The following DOCK10 variants were observed in gnomAD, a reference collection of about 807,000 sequenced individuals.
DOCK10 encodes the protein dedicator of cytokinesis protein 10.
A neutral mutation model predicts 280.1 loss-of-function variants in DOCK10; 145 were observed. The observed-to-expected ratio is 0.52, with a 90% CI of 0.45 to 0.59. The LOEUF is 0.59. Ranked by LOEUF, DOCK10 falls within the 20% of genes least tolerant of loss-of-function variation. The pLI is 0.00. For missense variants in DOCK10, 2,368 were observed against 2,651.7 expected, an observed-to-expected ratio of 0.89 and a Z score of 2.35; for synonymous variants, 915 against 942.2, an observed-to-expected ratio of 0.97 and a Z score of 0.53.
intron 3 of DOCK10, among the ~76,000 whole-genome samples, chr2:224,913,141 A>G (rs1169089412): frequency 6.6e-6 from 1 of 152,122 alleles, no homozygotes; most frequent in East Asian, 1.9e-4. Flanking sequence ...TTTTAGCCTC[A>G]CCCTTATTAA....
At position 224,779,336 on chromosome 2, in the gene DOCK10, C is replaced by A. The variant is rs550439677; in HGVS notation, c.5656-1052G>T. On this transcript the variant is annotated intron_variant, in intron 50 of 55. Coordinates refer to ENST00000258390, the MANE Select transcript of DOCK10 (RefSeq NM_014689.3). ...GTTCAAGCGATTCTCCTACTTTGGC[C>A]TCCCAAGTAGCTGGGACTGCAGATG... Among the ~76,000 whole-genome samples the A allele has an allele frequency of 4.6e-5, 7 of 152,182 alleles. No individual in the cohort carries two copies. In the South Asian group the frequency reaches 1.5e-3, roughly 32 times the overall value.
In DOCK10 at chr2:224,838,704, C is replaced by A. The variant is rs1449838576; in HGVS notation, c.2781-873G>T. ...GAAAGATACTGGAAACATTTCAATG[C>A]CAAAAGTAACATTTTTTTCCAGAAT... is the stretch of plus-strand genomic sequence containing the variant. On this transcript the variant is annotated intron_variant, in intron 24 of 55. Transcript: ENST00000258390. Among the ~76,000 whole-genome samples, 3 of 151,660 alleles carry A rather than the reference C, an allele frequency of 2.0e-5. No individual in the cohort carries two copies. In the East Asian group the frequency reaches 5.8e-4, roughly 29 times the overall value.
intron 3 of DOCK10, among the ~76,000 whole-genome samples, chr2:224,897,510 C>A (rs1222333457): frequency 2.0e-5 from 3 of 152,112 alleles, no homozygotes; most frequent in Non-Finnish European, 4.4e-5. Context: ...TTCATTCATT[C>A]TAGCTATTTT....
chr2:224,767,911 T>C (rs1213344576), intron 55 of DOCK10, among the ~76,000 whole-genome samples: 1 of 88,660 alleles, frequency 1.1e-5, no homozygotes. Flanking sequence ...TCCATTCTAA[T>C]TGTTTCTTTT....
intron 1 of DOCK10, among the ~76,000 whole-genome samples, chr2:224,979,898 C>A (rs372246373): frequency 1.1e-4 from 16 of 151,776 alleles, no homozygotes; most frequent in Middle Eastern, 6.8e-3. Flanking sequence ...CAAGGTCACA[C>A]AGCTGATAAG....
intron 2 of DOCK10, among the ~76,000 whole-genome samples, chr2:224,917,101 C>CTTTTTTTTTT (rs58223345): frequency 0.04 from 3,776 of 95,352 alleles, 632 homozygotes; most frequent in Non-Finnish European, 0.051. Flanking sequence ...CTATTGGAAT[C>CTTTTTTTTTT]TTTTTTTTTT....
chr2:224,951,045 G>C (rs1275181173), intron 1 of DOCK10, among the ~76,000 whole-genome samples: 1 of 152,200 alleles, frequency 6.6e-6, no homozygotes, highest in East Asian at 1.9e-4. Context: ...GAGATAGACA[G>C]GCTGAAAACT....
intron 2 of DOCK10, among the ~76,000 whole-genome samples, chr2:224,917,101 C>CTTTTCTTTTTTTTTT (rs1701375461): frequency 1.0e-5 from 1 of 95,772 alleles, no homozygotes; most frequent in Non-Finnish European, 1.9e-5. Context: ...CTATTGGAAT[C>CTTTTCTTTTTTTTTT]TTTTTTTTTT....
intron 2 of DOCK10, among the ~76,000 whole-genome samples, chr2:224,921,769 T>C (rs1158783019): frequency 6.6e-6 from 1 of 152,094 alleles, no homozygotes; most frequent in African/African-American, 2.4e-5. Flanking sequence ...TTGATCTTAG[T>C]TGTATTTTAT....
intron 7 of DOCK10, among the ~76,000 whole-genome samples, chr2:224,882,513 AC>A (rs1477760381): frequency 6.6e-6 from 1 of 152,198 alleles, no homozygotes; most frequent in Non-Finnish European, 1.5e-5. Flanking sequence ...TACTTGAGCC[AC>A]CCTTGTAATA....
At chr2:224,844,473 G>A (rs769701143) in intron 22 of DOCK10, among the ~76,000 whole-genome samples, 1 of 152,144 alleles carries the variant, frequency 6.6e-6, no homozygotes, top group Non-Finnish European at 1.5e-5. Context: ...AGTGTGGTCA[G>A]TGGAAGCAAA....
chr2:224,887,480 T>C (rs907965865), intron 4 of DOCK10, among the ~76,000 whole-genome samples: 1 of 100 alleles, frequency 0.01, no homozygotes, highest in Non-Finnish European at 0.019. Context: ...TCTGGTTTTA[T>C]AAATGGAAAA....
rs1297402084 is a variant in DOCK10, at chr2:224,823,537, T to G, written c.3147A>C (p.Thr1049=). Residue 1049 remains threonine (T), a synonymous_variant, in exon 28 of 56, where the codon ACA becomes ACC. Coordinates refer to ENST00000258390, the MANE Select transcript of DOCK10 (RefSeq NM_014689.3). ...TGGCAACGCTGTGGTTTGCCCTTCT[T>G]GTTTCTTCAAGTGCATCCTTGTATT... The part of the protein sequence containing the change: ...IWKYKDALEE[T]RRANHSVARF... 6.2e-7 allele frequency: 1 copy of G among 1,608,732 alleles called. No individual in the cohort carries two copies.
At chr2:224,912,598 G>T (rs62186349) in intron 3 of DOCK10, among the ~76,000 whole-genome samples, 35,170 of 152,154 alleles carry the variant, frequency 0.23, 4,565 homozygotes, top group Non-Finnish European at 0.28. Context: ...CCAATGTTAT[G>T]AGTTTGATGT....
chr2:224,840,089 G>T lies in DOCK10; in HGVS notation c.2662-17C>A. ...CAATAAGTTCTGTAGTAAATTGGCA[G>T]AAAAAAAGGATACCAATTAAATTTG... On this transcript the variant is annotated splice_polypyrimidine_tract_variant and intron_variant, in intron 23 of 55. Transcript: ENST00000258390. The T allele has an allele frequency of 1.7e-6, 2 of 1,206,036 alleles. No homozygotes were observed. The highest frequency in any genetic ancestry group is 1.4e-5 in the South Asian group (1 of 70,112). The allele number at this position is 1,206,036 out of a possible 1,614,324, so 74.7% of individuals were successfully genotyped here. A position where few individuals can be genotyped will look rare whatever the true frequency, so the allele number is the denominator to read the frequency against.
In DOCK10 at chr2:224,787,285, C is replaced by T. The variant is rs1006356250; in HGVS notation, c.5531G>A (p.Arg1844Gln). The change falls in exon 49 of 56, where the codon CGA (arginine) becomes CAA (glutamine). Residue 1844 changes from arginine to glutamine, a missense_variant. Transcript: ENST00000258390. The stretch of plus-strand genomic sequence containing the variant: ...GGTTGGAATACATACTTTGAAGTCT[C>T]GTTGTTTCTCAAAGACAGCAATGAT... ...KPIIAVFEKQ[R>Q]DFKKLSDLYY... 15 of 1,613,766 alleles carry T rather than the reference C, an allele frequency of 9.3e-6. No homozygotes were observed. Among genetic ancestry groups the T allele is most frequent in the South Asian group, 8.8e-5 (8 of 91,076 alleles).
intron 1 of DOCK10, among the ~76,000 whole-genome samples, chr2:224,985,245 A>T (rs1182611148): frequency 2.0e-5 from 3 of 152,164 alleles, no homozygotes; most frequent in Admixed American, 2.0e-4. Context: ...CTAAAATGCT[A>T]GAAACAAGAT....
chr2:224,905,333 C>T (rs892927367), intron 3 of DOCK10, among the ~76,000 whole-genome samples: 1 of 150,304 alleles, frequency 6.7e-6, no homozygotes, highest in African/African-American at 2.5e-5. Context: ...CTGCAAGCTC[C>T]GCTTCCCGGG....
At chr2:224,888,234 T>C (rs890652655) in intron 4 of DOCK10, among the ~76,000 whole-genome samples, 3 of 151,734 alleles carry the variant, frequency 2.0e-5, no homozygotes, top group Non-Finnish European at 4.4e-5. Flanking sequence ...TGTGTGTGTG[T>C]GTGTGTGTGT....
Sources: allele counts gnomAD v4.1 joint callset (sites outside exome capture counted in the v4.1 genomes callset), GRCh38; gene constraint gnomAD v4.1.1; transcripts MANE v1.5; gene names NCBI Gene and HGNC (gene_info 2026-07-23, HGNC 2026-07-21).